CD200R1L: variants seen among roughly 807,000 people sequenced by gnomAD.
CD200R1L encodes the protein CD200 receptor 1 like, also known as cell surface glycoprotein CD200 receptor 2.
In CD200R1L, 14 loss-of-function variants were observed where a neutral mutation model predicts 24.8. The ratio of observed to expected loss-of-function variants is 0.56; its 90% CI spans 0.37 to 0.88. CD200R1L has a LOEUF of 0.88. Among genes scored for constraint, CD200R1L ranks in the 40% least tolerant of loss-of-function variants. The pLI, the probability that CD200R1L is intolerant of heterozygous loss-of-function variation, is 0.00. For missense variants in CD200R1L, 299 were observed against 297.8 expected (o/e 1.00, Z -0.03); for synonymous variants, 111 against 109.2 (o/e 1.02, Z -0.11).
chr3:112,843,490 A>G (rs1265589956), intron 2 of CD200R1L, among the ~76,000 whole-genome samples: 1 of 152,226 alleles, frequency 6.6e-6, no homozygotes, highest in Non-Finnish European at 1.5e-5. Flanking sequence ...GAGAAATACA[A>G]TCTTTCCTAA....
chr3:112,845,410 A>C (rs1176781923), intron 2 of CD200R1L, among the ~76,000 whole-genome samples: 1 of 152,198 alleles, frequency 6.6e-6, no homozygotes, highest in Non-Finnish European at 1.5e-5. Flanking sequence ...ATCTACCAAC[A>C]AAAGCAGCCC....
chr3:112,830,005 C>A (rs924507942), intron 3 of CD200R1L, among the ~76,000 whole-genome samples: 6 of 152,208 alleles, frequency 3.9e-5, no homozygotes, highest in Non-Finnish European at 5.9e-5. Context: ...GTGACACAAT[C>A]CCCCTGCGGG....
At chr3:112,832,334 CTT>C (rs1196585523) in intron 3 of CD200R1L, among the ~76,000 whole-genome samples, 1 of 152,150 alleles carries the variant, frequency 6.6e-6, no homozygotes, top group Admixed American at 6.5e-5. Flanking sequence ...AGTCCACAGA[CTT>C]ATACAGTGGT....
intron 2 of CD200R1L, among the ~76,000 whole-genome samples, chr3:112,839,817 C>A (rs1319194677): frequency 4.6e-5 from 7 of 152,204 alleles, no homozygotes; most frequent in African/African-American, 7.2e-5. Context: ...AGTGGTTAAT[C>A]CCCTGCTTTG....
intron 2 of CD200R1L, among the ~76,000 whole-genome samples, chr3:112,838,260 GTTA>G (rs1475526293): frequency 2.0e-5 from 3 of 152,058 alleles, no homozygotes; most frequent in Admixed American, 6.6e-5. Context: ...TTCATTCAAT[GTTA>G]TTATAACAGA....
intron 3 of CD200R1L, among the ~76,000 whole-genome samples, chr3:112,834,237 T>TTTTA (rs1204633845): frequency 1.5e-5 from 1 of 67,820 alleles, no homozygotes; most frequent in Non-Finnish European, 3.9e-5. Context: ...CATCATTCTT[T>TTTTA]TTTTTTTTTT....
chr3:112,816,083 C>A, intron 7 of CD200R1L, 108 bp from the exon 8 acceptor site: 1 of 674,200 alleles, frequency 1.5e-6, no homozygotes, highest in South Asian at 1.7e-5. Context: ...TAAGTACATT[C>A]CAATAATAAA....
chr3:112,840,273 T>C (rs1218660528), intron 2 of CD200R1L, among the ~76,000 whole-genome samples: 1 of 152,280 alleles, frequency 6.6e-6, no homozygotes, highest in East Asian at 1.9e-4. Flanking sequence ...AGTTGGCTCA[T>C]GGTTCTTCAG....
intron 3 of CD200R1L, among the ~76,000 whole-genome samples, chr3:112,832,946 A>G (rs1175668019): frequency 6.6e-6 from 1 of 152,228 alleles, no homozygotes; most frequent in Admixed American, 6.5e-5. Context: ...TATCAATTAG[A>G]TCTTCTGAGC....
chr3:112,817,099 A>ATT (rs1322579066), intron 7 of CD200R1L, among the ~76,000 whole-genome samples: 2 of 152,046 alleles, frequency 1.3e-5, no homozygotes, highest in African/African-American at 4.8e-5. Flanking sequence ...GCAGTGTAGT[A>ATT]TTTTTTTAGT....
intron 3 of CD200R1L, among the ~76,000 whole-genome samples, chr3:112,836,539 G>C (rs1274622406): frequency 6.6e-6 from 1 of 152,198 alleles, no homozygotes; most frequent in Admixed American, 6.5e-5. Context: ...CCACTCAGGG[G>C]TCTATGCTTA....
intron 7 of CD200R1L, 46 bp downstream of exon 7, chr3:112,819,724 CTT>C (rs35585943): frequency 5.2e-5 from 75 of 1,454,324 alleles, no homozygotes; most frequent in Middle Eastern, 3.7e-4. Flanking sequence ...TACAATGATA[CTT>C]TTTTTTTTCT....
intron 6 of CD200R1L, among the ~76,000 whole-genome samples, chr3:112,825,495 A>G (rs992435395): frequency 4.0e-5 from 6 of 150,904 alleles, no homozygotes; most frequent in African/African-American, 1.2e-4. Context: ...AAAGAATGAA[A>G]CATTTATATT....
intron 6 of CD200R1L, among the ~76,000 whole-genome samples, chr3:112,821,826 C>T (rs1308849841): frequency 1.3e-5 from 2 of 152,180 alleles, no homozygotes; most frequent in African/African-American, 4.8e-5. Context: ...CTAAGGAATT[C>T]AGAACGTTTA....
chr3:112,833,645 G>A lies in CD200R1L; in HGVS notation c.-17-4261C>T, dbSNP rs1938865202. On this transcript the variant is annotated intron_variant, in intron 3 of 7. Transcript: ENST00000488794. ...AATGGGGCTCAGGCTCCAGACTCAA[G>A]AGAACACCAGTCATTTTAGTGAACA... Among the ~76,000 whole-genome samples, 3 of 152,264 alleles carry A rather than the reference G, an allele frequency of 2.0e-5. No individual in the cohort carries two copies. The South Asian group carries it at 6.2e-4, about 32-fold the overall frequency.
Position 112,827,198 on chromosome 3 carries a change from T to C in CD200R1L, c.411A>G (p.Ala137=), listed in dbSNP as rs1419645632. ...VNLFQSRNIT[A]VCKAVTGKPA... Reference sequence around the variant, plus strand: ...GCTTCCCTGTAACTGCCTTGCATACTGCAGTTATATTCCTGCTTTGAAATA... The same window carrying C: ...GCTTCCCTGTAACTGCCTTGCATACCGCAGTTATATTCCTGCTTTGAAATA... The change falls in exon 6 of 8, where the codon GCA becomes GCG. Residue 137 remains alanine, a synonymous_variant. Transcript: ENST00000488794. 1 of 1,613,490 alleles carries C rather than the reference T, an allele frequency of 6.2e-7. No homozygotes were observed. Among genetic ancestry groups the C allele is most frequent in the Non-Finnish European group, 8.5e-7 (1 of 1,179,964 alleles).
intron 2 of CD200R1L, among the ~76,000 whole-genome samples, chr3:112,840,971 C>A (rs1399362483): frequency 1.3e-5 from 2 of 152,140 alleles, no homozygotes; most frequent in Non-Finnish European, 2.9e-5. Context: ...CAGTCCAGAG[C>A]TATTTCATAA....
At chr3:112,842,573 G>A (rs1395859492) in intron 2 of CD200R1L, among the ~76,000 whole-genome samples, 3 of 152,152 alleles carry the variant, frequency 2.0e-5, no homozygotes, top group East Asian at 1.9e-4. Context: ...CTGCGGGGTC[G>A]GGCAAAAAGA....
intron 2 of CD200R1L, among the ~76,000 whole-genome samples, chr3:112,842,553 G>A (rs1182426267): frequency 2.0e-5 from 3 of 152,154 alleles, no homozygotes; most frequent in African/African-American, 4.8e-5. Context: ...CGTAAGTAAA[G>A]TCTGACTGCC....
Sources: allele counts gnomAD v4.1 joint callset (sites outside exome capture counted in the v4.1 genomes callset), GRCh38; gene constraint gnomAD v4.1.1; transcripts MANE v1.5; gene names NCBI Gene and HGNC (gene_info 2026-07-23, HGNC 2026-07-21).